RHD: variants seen among roughly 807,000 people sequenced by gnomAD.
The protein encoded by RHD is Rh blood group D antigen.
A neutral mutation model predicts 45.5 loss-of-function variants in RHD; 16 were observed. The ratio of observed to expected loss-of-function variants is 0.35; its 90% CI spans 0.24 to 0.53. The LOEUF (loss-of-function observed/expected upper bound fraction) is 0.53, where lower values mean the gene tolerates loss of function less well. Ranked by LOEUF, RHD falls within the 20% of genes least tolerant of loss-of-function variation. The probability of loss-of-function intolerance (pLI) is 0.92; values close to 1 mark genes in which losing one functional copy is unlikely to be tolerated. For synonymous variants in RHD, 131 were observed against 217.5 expected (o/e 0.60, Z 3.50); for missense variants, 306 against 532.0 (o/e 0.58, Z 4.18).
At chr1:25,314,923 C>T (rs1284120164) in intron 7 of RHD, among the ~76,000 whole-genome samples, 1 of 130,880 alleles carries the variant, frequency 7.6e-6, no homozygotes, top group African/African-American at 2.6e-5. Flanking sequence ...AGAATTTTTG[C>T]AGCCAGCGCG....
At chr1:25,310,376 C>T (rs946503828) in intron 7 of RHD, among the ~76,000 whole-genome samples, 17 of 133,160 alleles carry the variant, frequency 1.3e-4, no homozygotes, top group African/African-American at 3.8e-4. Flanking sequence ...TGCCCTCTCA[C>T]TGTGTGATGA....
At chr1:25,319,150 G>A (rs1428308207) in intron 8 of RHD, among the ~76,000 whole-genome samples, 1 of 129,980 alleles carries the variant, frequency 7.7e-6, no homozygotes, top group East Asian at 2.0e-4. Context: ...GTTATCACTG[G>A]TATGTTCAAA....
At position 25,288,494 on chromosome 1, in the gene RHD, T is replaced by G. The variant is rs565921701; in HGVS notation, c.336-2147T>G. Among the ~76,000 whole-genome samples the G allele has an allele frequency of 6.2e-4, 79 of 127,610 alleles. 6 individuals are homozygous for G. The highest frequency in any genetic ancestry group is 2.4e-3 in the East Asian group (12 of 5,098). 83.7% of individuals were successfully genotyped at this position (127,610 alleles called of 152,430 possible). ...CATTCCTGGCCTTAAAAGTGTGATATTTTTAATGTATTTTGAAATCTGCAG... is the reference window on the plus strand; with the variant it reads ...CATTCCTGGCCTTAAAAGTGTGATAGTTTTAATGTATTTTGAAATCTGCAG... On this transcript the variant is annotated intron_variant, in intron 2 of 9. Coordinates refer to ENST00000328664, the MANE Select transcript of RHD (RefSeq NM_016124.6).
rs185598292 is a variant in RHD at position 25,329,613 on chromosome 1, C to T, written c.*689C>T. Reference sequence around the variant, plus strand: ...TTGACATGACTGCAATCATGTGCTTCATAGAAACTTAATTAGATTATACCA... The same window carrying T: ...TTGACATGACTGCAATCATGTGCTTTATAGAAACTTAATTAGATTATACCA... On this transcript the variant is annotated 3_prime_UTR_variant, in exon 10 of 10. Coordinates refer to ENST00000328664, the MANE Select transcript of RHD (RefSeq NM_016124.6). 92 of 138,074 alleles carry T rather than the reference C, an allele frequency of 6.7e-4. 11 individuals carry two copies. The highest frequency in any genetic ancestry group is 2.0e-3 in the African/African-American group (76 of 38,004). The allele number at this position is 138,074 out of a possible 1,614,324, so 8.6% of individuals were successfully genotyped here. A position where few individuals can be genotyped will look rare whatever the true frequency, so the allele number is the denominator to read the frequency against.
chr1:25,299,072 TAAAAA>T, intron 3 of RHD, among the ~76,000 whole-genome samples: 1 of 40,872 alleles, frequency 2.4e-5, no homozygotes, highest in African/African-American at 7.8e-5. Flanking sequence ...CACATGGTGA[TAAAAA>T]AAAAAAAAAA....
intron 1 of RHD, among the ~76,000 whole-genome samples, chr1:25,280,437 C>G (rs1641381026): frequency 3.1e-5 from 4 of 127,760 alleles, no homozygotes; most frequent in Admixed American, 1.5e-4. Flanking sequence ...TCCTGAGTAG[C>G]TGGGATTACA....
chr1:25,276,532 TAAAAA>T (rs557746335), intron 1 of RHD, among the ~76,000 whole-genome samples: 13 of 64,778 alleles, frequency 2.0e-4, no homozygotes, highest in South Asian at 1.3e-3. Flanking sequence ...CCCCCATCTC[TAAAAA>T]AAAAAAAAAA....
intron 4 of RHD, 42 bp from the exon 5 acceptor site, chr1:25,301,478 G>A: frequency 7.4e-7 from 1 of 1,353,492 alleles, no homozygotes; most frequent in Non-Finnish European, 1.0e-6. Flanking sequence ...GACCTTTGGA[G>A]CAGGAGTGTG....
At chr1:25,287,443 C>A (rs1317589359) in intron 2 of RHD, among the ~76,000 whole-genome samples, 5 of 135,266 alleles carry the variant, frequency 3.7e-5, no homozygotes, top group Admixed American at 7.1e-5. Context: ...CTAGGGGTGA[C>A]CCCTGCTGAA....
At position 25,321,013 on chromosome 1, in the gene RHD, C is replaced by T. The variant is rs562502249; in HGVS notation, c.1154-876C>T. Among the ~76,000 whole-genome samples the T allele has an allele frequency of 6.9e-5, 9 of 131,268 alleles. 1 individual carries two copies. The East Asian group carries it at 1.8e-3, about 26-fold the overall frequency. 86.1% of individuals were successfully genotyped at this position (131,268 alleles called of 152,430 possible). A position where few individuals can be genotyped will look rare whatever the true frequency, so the allele number is the denominator to read the frequency against. On this transcript the variant is annotated intron_variant, in intron 8 of 9. Transcript: ENST00000328664. ...GAGCTGTGATTGTGCCACTGCACTCCAGCCTGGATAACAGAATGAGACTCT... is the reference window on the plus strand; with the variant it reads ...GAGCTGTGATTGTGCCACTGCACTCTAGCCTGGATAACAGAATGAGACTCT...
In RHD at chr1:25,276,526, C is replaced by A. The variant is rs1226908129; in HGVS notation, c.148+3831C>A. On this transcript the variant is annotated intron_variant, in intron 1 of 9. Coordinates refer to ENST00000328664, the MANE Select transcript of RHD (RefSeq NM_016124.6). Reference sequence around the variant, plus strand: ...TAGGAAACATAGGGAGACCCCCCCCCATCTCTAAAAAAAAAAAAAAAAAAA... The same window carrying A: ...TAGGAAACATAGGGAGACCCCCCCCAATCTCTAAAAAAAAAAAAAAAAAAA... Among the ~76,000 whole-genome samples, 12 of 35,916 alleles carry A rather than the reference C, an allele frequency of 3.3e-4. 3 individuals are homozygous for A. Among genetic ancestry groups the A allele is most frequent in the Non-Finnish European group, 4.9e-4 (8 of 16,436 alleles). 23.6% of individuals were successfully genotyped at this position (35,916 alleles called of 152,430 possible).
At position 25,294,125 on chromosome 1, in the gene RHD, A is replaced by G. The variant is rs967305588; in HGVS notation, c.486+3334A>G. Reference sequence around the variant, plus strand: ...ATGGCATGACAAAGCAGAGGCAAAGAGGCATACATCAATTCTTCAAAGTAG... The same window carrying G: ...ATGGCATGACAAAGCAGAGGCAAAGGGGCATACATCAATTCTTCAAAGTAG... On this transcript the variant is annotated intron_variant, in intron 3 of 9. Coordinates refer to ENST00000328664, the MANE Select transcript of RHD (RefSeq NM_016124.6). The G allele has an allele frequency of 6.2e-6, 4 of 646,356 alleles. No individual in the cohort carries two copies. In the African/African-American group the frequency reaches 7.5e-5, roughly 12 times the overall value. 40.0% of individuals were successfully genotyped at this position (646,356 alleles called of 1,614,324 possible). A position where few individuals can be genotyped will look rare whatever the true frequency, so the allele number is the denominator to read the frequency against.
At chr1:25,294,328 C>T (rs2124652896) in intron 3 of RHD, 2 of 1,152,624 alleles carry the variant, frequency 1.7e-6, no homozygotes, top group East Asian at 2.3e-5. Flanking sequence ...TGTCCAAGGC[C>T]CCAGTGACCA....
At chr1:25,282,614 C>G (rs1390897044) in intron 1 of RHD, among the ~76,000 whole-genome samples, 1 of 132,528 alleles carries the variant, frequency 7.5e-6, no homozygotes, top group East Asian at 1.9e-4. Flanking sequence ...CTATGCTTCC[C>G]CTTCCACCTT....
rs573443769 is a variant in RHD at position 25,329,145 on chromosome 1, C to T, written c.*221C>T. 8.0e-5 allele frequency: 86 copies of T among 1,076,738 alleles called. 6 individuals are homozygous for T. In the East Asian group the frequency reaches 1.9e-3, roughly 24 times the overall value. 66.7% of individuals were successfully genotyped at this position (1,076,738 alleles called of 1,614,324 possible). A position where few individuals can be genotyped will look rare whatever the true frequency, so the allele number is the denominator to read the frequency against. On this transcript the variant is annotated 3_prime_UTR_variant, in exon 10 of 10. Transcript: ENST00000328664. ...GTAGAATACAACAATAAAATACAGC[C>T]ATGTACCACATAACAACATCTTGGT...
chr1:25,282,304 A>G (rs1641555679), intron 1 of RHD, among the ~76,000 whole-genome samples: 1 of 131,496 alleles, frequency 7.6e-6, no homozygotes, highest in Non-Finnish European at 1.8e-5. Flanking sequence ...GTGCGGTCTC[A>G]GCTCACTGCA....
rs142151492 is a variant in RHD, at chr1:25,320,319, C to G, written c.1154-1570C>G. Among the ~76,000 whole-genome samples, 110 of 131,994 alleles carry G rather than the reference C, an allele frequency of 8.3e-4. 34 individuals are homozygous for G. The highest frequency in any genetic ancestry group is 1.7e-3 in the Non-Finnish European group (95 of 55,722). 86.6% of individuals were successfully genotyped at this position (131,994 alleles called of 152,430 possible). On this transcript the variant is annotated intron_variant, in intron 8 of 9. Coordinates refer to ENST00000328664, the MANE Select transcript of RHD (RefSeq NM_016124.6). ...ATATGGCACGTTATAAGTGGGTGTTCCTAGTGATGGTTCTGATTTTTTTTA... is the reference window on the plus strand; with the variant it reads ...ATATGGCACGTTATAAGTGGGTGTTGCTAGTGATGGTTCTGATTTTTTTTA...
rs1347307159 is a variant in RHD, at chr1:25,315,490, T to C, written c.1074-1510T>C. 3.3e-5 allele frequency among the ~76,000 whole-genome samples: 4 copies of C among 123,036 alleles called. 1 individual carries two copies. The highest frequency in any genetic ancestry group is 5.6e-5 in the Non-Finnish European group (3 of 53,892). The allele number at this position is 123,036 out of a possible 152,430, so 80.7% of individuals were successfully genotyped here. On this transcript the variant is annotated intron_variant, in intron 7 of 9. Coordinates refer to ENST00000328664, the MANE Select transcript of RHD (RefSeq NM_016124.6). Reference sequence around the variant, plus strand: ...TTTTATCTTTTTAATTTATTTTTCTTTTCTTTCTTTCTTTTTTTTTTTTTG... The same window carrying C: ...TTTTATCTTTTTAATTTATTTTTCTCTTCTTTCTTTCTTTTTTTTTTTTTG...
chr1:25,297,042 C>G lies in RHD; in HGVS notation c.487-3904C>G, dbSNP rs1362128023. On this transcript the variant is annotated intron_variant, in intron 3 of 9. Transcript: ENST00000328664. ...CTTATTCTCATTTCACCAATTTTCT[C>G]AATAATATCTTTTCTAGAAAAAAAT... 1.5e-5 allele frequency among the ~76,000 whole-genome samples: 2 copies of G among 131,098 alleles called. 1 individual carries two copies. The highest frequency in any genetic ancestry group is 3.6e-5 in the Non-Finnish European group (2 of 55,798). 86.0% of individuals were successfully genotyped at this position (131,098 alleles called of 152,430 possible). A position where few individuals can be genotyped will look rare whatever the true frequency, so the allele number is the denominator to read the frequency against.
Sources: gnomAD v4.1 joint callset for allele counts (sites outside exome capture counted in the v4.1 genomes callset) on GRCh38, gnomAD v4.1.1 for gene constraint, MANE v1.5 for transcripts, NCBI Gene and HGNC (gene_info 2026-07-23, HGNC 2026-07-21) for gene names.